Variants in CSMD1 observed in about 807,000 individuals in gnomAD.
CSMD1 encodes the protein CUB and Sushi multiple domains 1, also known as CUB and sushi domain-containing protein 1.
CSMD1 carries 213 observed loss-of-function variants against 417.5 expected under a neutral mutation model. The ratio of observed to expected loss-of-function variants is 0.51; its 90% CI spans 0.46 to 0.57. CSMD1 has a LOEUF of 0.57. Among genes scored for constraint, CSMD1 ranks in the 20% least tolerant of loss-of-function variants. CSMD1 has a pLI of 0.00. For missense variants in CSMD1, 6,923 were observed against 4,529.7 expected (o/e 1.53, Z -15.17); for synonymous variants, 2,862 against 1,736.8 (o/e 1.65, Z -16.11).
chr8:3,770,806 T>G (rs951352767), intron 5 of CSMD1, among the ~76,000 whole-genome samples: 1 of 152,180 alleles, frequency 6.6e-6, no homozygotes, highest in East Asian at 1.9e-4. Context: ...CTCTCAACCA[T>G]TATATATTTA....
chr8:4,957,595 A>T (rs1462182376), intron 1 of CSMD1, among the ~76,000 whole-genome samples: 1 of 152,178 alleles, frequency 6.6e-6, no homozygotes, highest in Non-Finnish European at 1.5e-5. Context: ...CTTGTGAAAG[A>T]TCCTCATATG....
At chr8:3,047,434 A>T (rs1229938273) in intron 50 of CSMD1, among the ~76,000 whole-genome samples, 1 of 152,074 alleles carries the variant, frequency 6.6e-6, no homozygotes, top group African/African-American at 2.4e-5. Context: ...GATATCACTT[A>T]CCAGTCTCAC....
intron 5 of CSMD1, among the ~76,000 whole-genome samples, chr8:3,780,394 G>T (rs73498891): frequency 0.18 from 27,119 of 152,022 alleles, 3,846 homozygotes; most frequent in African/African-American, 0.38. Flanking sequence ...CTTAATTATC[G>T]CCTTTTCAGC....
chr8:3,863,178 C>G (rs1804835584), intron 5 of CSMD1, among the ~76,000 whole-genome samples: 2 of 152,066 alleles, frequency 1.3e-5, no homozygotes, highest in Admixed American at 1.3e-4. Flanking sequence ...CAAGGGATTA[C>G]TTGAGGTCAG....
chr8:3,142,606 G>C lies in CSMD1; in HGVS notation c.6100C>G (p.Pro2034Ala), dbSNP rs546531300. Residue 2034 changes from proline to alanine, a missense_variant, in exon 41 of 70, where the codon CCT becomes GCT. By Grantham distance (27) the Pro-to-Ala change is conservative. Coordinates refer to ENST00000635120, the MANE Select transcript of CSMD1 (RefSeq NM_033225.6). ...CCAATCATGGGGCTGGTGTGGTAAGGTCCATTTTGAATTTCAAGGAAGTCA... is the reference window on the plus strand; with the variant it reads ...CCAATCATGGGGCTGGTGTGGTAAGCTCCATTTTGAATTTCAAGGAAGTCA... ...NHDFLEIQNG[P>A]YHTSPMIGQF... 34 of 1,613,788 alleles carry C rather than the reference G, an allele frequency of 2.1e-5. No individual in the cohort carries two copies. Among genetic ancestry groups the C allele is most frequent in the Non-Finnish European group, 2.9e-5 (34 of 1,179,842 alleles).
rs2116925511 is a variant in CSMD1 at position 3,571,997 on chromosome 8, C to G, written c.1344+2948G>C. On this transcript the variant is annotated intron_variant, in intron 10 of 69. Coordinates refer to ENST00000635120, the MANE Select transcript of CSMD1 (RefSeq NM_033225.6). ...AAGCGCAGCCTTCCTAAACGGTAGCCCATTCATTTGACTTCAAAAGACGCG... is the reference window on the plus strand; with the variant it reads ...AAGCGCAGCCTTCCTAAACGGTAGCGCATTCATTTGACTTCAAAAGACGCG... Among the ~76,000 whole-genome samples the G allele has an allele frequency of 1.3e-5, 2 of 152,214 alleles. 1 individual carries two copies. Among genetic ancestry groups the G allele is most frequent in the Middle Eastern group, 6.8e-3 (2 of 294 alleles).
At chr8:3,469,949 T>G (rs1212553766) in intron 11 of CSMD1, among the ~76,000 whole-genome samples, 1 of 152,232 alleles carries the variant, frequency 6.6e-6, no homozygotes, top group African/African-American at 2.4e-5. Context: ...GTTGGCTTGT[T>G]TGAAGAGAGA....
At chr8:4,012,114 AG>A (rs1211391102) in intron 4 of CSMD1, among the ~76,000 whole-genome samples, 2 of 152,198 alleles carry the variant, frequency 1.3e-5, no homozygotes, top group African/African-American at 4.8e-5. Context: ...AACATTTTCT[AG>A]ATTTAAAATA....
intron 1 of CSMD1, among the ~76,000 whole-genome samples, chr8:4,967,962 A>G (rs73515848): frequency 0.015 from 2,273 of 152,236 alleles, 46 homozygotes; most frequent in African/African-American, 0.052. Flanking sequence ...TTTCTAAATA[A>G]AGACGATAGG....
intron 6 of CSMD1, among the ~76,000 whole-genome samples, chr8:3,737,445 C>T (rs1206517342): frequency 2.0e-5 from 3 of 152,156 alleles, no homozygotes; most frequent in African/African-American, 7.2e-5. Context: ...ATTAAAGTTA[C>T]AGAAAAATTA....
In CSMD1 at chr8:4,934,595, T is replaced by A. The variant is rs1301228652; in HGVS notation, c.85+59737A>T. 2.0e-5 allele frequency among the ~76,000 whole-genome samples: 3 copies of A among 152,122 alleles called. No homozygotes were observed. The East Asian group carries it at 5.8e-4, about 29-fold the overall frequency. On this transcript the variant is annotated intron_variant, in intron 1 of 69. Coordinates refer to ENST00000635120, the MANE Select transcript of CSMD1 (RefSeq NM_033225.6). ...ACAAAGAAAGGACACAGGCCCAATATAATGTCTACCTTTTTATTTTTCACT... is the reference window on the plus strand; with the variant it reads ...ACAAAGAAAGGACACAGGCCCAATAAAATGTCTACCTTTTTATTTTTCACT...
chr8:3,425,581 C>T (rs1378310267), intron 12 of CSMD1, among the ~76,000 whole-genome samples: 5 of 95,442 alleles, frequency 5.2e-5, no homozygotes, highest in Admixed American at 1.5e-4. Context: ...GAGCAAGATT[C>T]GGTCTCAAAA....
chr8:3,439,830 G>A (rs1293836710), intron 12 of CSMD1, among the ~76,000 whole-genome samples: 2 of 152,018 alleles, frequency 1.3e-5, no homozygotes, highest in African/African-American at 4.8e-5. Flanking sequence ...GTAGATTTTT[G>A]TAAAAGATGT....
intron 2 of CSMD1, among the ~76,000 whole-genome samples, chr8:4,499,052 G>C (rs1280430350): frequency 1.3e-5 from 2 of 152,066 alleles, no homozygotes; most frequent in Non-Finnish European, 2.9e-5. Flanking sequence ...GATCTCTTAA[G>C]AATACAGCAC....
chr8:4,264,585 T>C (rs1489504901), intron 3 of CSMD1, among the ~76,000 whole-genome samples: 2 of 152,142 alleles, frequency 1.3e-5, no homozygotes, highest in African/African-American at 4.8e-5. Flanking sequence ...GGAAGACTGG[T>C]TCCTCGGCGT....
intron 3 of CSMD1, among the ~76,000 whole-genome samples, chr8:4,154,767 A>T (rs189042568): frequency 1.1e-4 from 17 of 152,090 alleles, no homozygotes; most frequent in Non-Finnish European, 1.9e-4. Context: ...TAAGATATGA[A>T]TATCACTGAT....
intron 2 of CSMD1, among the ~76,000 whole-genome samples, chr8:4,610,216 G>C (rs1163079676): frequency 2.0e-5 from 3 of 152,116 alleles, no homozygotes; most frequent in African/African-American, 4.8e-5. Flanking sequence ...TGGGGATACA[G>C]ATGCAAGAAA....
intron 2 of CSMD1, among the ~76,000 whole-genome samples, chr8:4,564,388 A>G (rs1047570237): frequency 3.3e-5 from 5 of 152,194 alleles, no homozygotes; most frequent in African/African-American, 1.2e-4. Flanking sequence ...AACCACAAAT[A>G]TGTGTTGCTC....
At chr8:3,367,619 C>T (rs770977260) in intron 19 of CSMD1, among the ~76,000 whole-genome samples, 30 of 151,578 alleles carry the variant, frequency 2.0e-4, no homozygotes, top group African/African-American at 5.1e-4. Flanking sequence ...GGAAAGAGGA[C>T]GGCTTTAGAA....
Sources: allele counts gnomAD v4.1 joint callset (sites outside exome capture counted in the v4.1 genomes callset), GRCh38; gene constraint gnomAD v4.1.1; transcripts MANE v1.5; gene names NCBI Gene and HGNC (gene_info 2026-07-23, HGNC 2026-07-21).